Variants in ACYP2 observed in about 807,000 individuals in gnomAD.
The protein encoded by ACYP2 is acylphosphatase-2.
A neutral mutation model predicts 11.2 loss-of-function variants in ACYP2; 12 were observed. The ratio of observed to expected loss-of-function variants is 1.08; its 90% CI spans 0.69 to 1.74. The LOEUF (loss-of-function observed/expected upper bound fraction) is 1.74, where lower values mean the gene tolerates loss of function less well. ACYP2 is among the 40% of genes most tolerant of loss of function. ACYP2 has a pLI of 0.00. For missense variants in ACYP2, 134 were observed against 101.9 expected (o/e 1.31, Z -1.35); for synonymous variants, 43 against 32.2 (o/e 1.33, Z -1.13).
intron 6 of ACYP2, among the ~76,000 whole-genome samples, chr2:54,225,394 G>A (rs115393984): frequency 0.012 from 1,841 of 152,042 alleles, 38 homozygotes; most frequent in African/African-American, 0.043. Context: ...GAAAAACAAG[G>A]GTGTTTTAAA....
intron 6 of ACYP2, among the ~76,000 whole-genome samples, chr2:54,201,638 C>CTTTCTTTCTTTGTTTCTT (rs1309834149): frequency 5.0e-5 from 3 of 59,774 alleles, no homozygotes; most frequent in African/African-American, 2.1e-4. Context: ...CTTTCTTTCT[C>CTTTCTTTCTTTGTTTCTT]TTTCTTTCTT....
At chr2:54,131,575 C>T (rs1680900313) in intron 4 of ACYP2, among the ~76,000 whole-genome samples, 3 of 152,014 alleles carry the variant, frequency 2.0e-5, no homozygotes, top group Admixed American at 2.0e-4. Flanking sequence ...TTTTATCATG[C>T]ATGGTTTTTT....
At chr2:54,255,972 C>G in intron 6 of ACYP2, 1 of 1,614,102 alleles carries the variant, frequency 6.2e-7, no homozygotes, top group Non-Finnish European at 8.5e-7. Flanking sequence ...GATCCTGGGG[C>G]GCGACCCCCT....
In ACYP2 at chr2:54,255,720, C is replaced by T. The variant is rs764749605; in HGVS notation, c.405-48968C>T. On this transcript the variant is annotated intron_variant, in intron 6 of 6. Coordinates refer to ENST00000607452, the MANE Select transcript of ACYP2 (RefSeq NM_001320586.2). Reference sequence around the variant, plus strand: ...CAGGCTTCACGTCCTCGGCCTTCCCCTCTGCAATCACTTCAGACTCCGACC... The same window carrying T: ...CAGGCTTCACGTCCTCGGCCTTCCCTTCTGCAATCACTTCAGACTCCGACC... 5 of 1,613,912 alleles carry T rather than the reference C, an allele frequency of 3.1e-6. No individual in the cohort carries two copies. In the African/African-American group the frequency reaches 4.0e-5, roughly 13 times the overall value.
chr2:54,223,806 T>C (rs1685895233), intron 6 of ACYP2, among the ~76,000 whole-genome samples: 1 of 152,198 alleles, frequency 6.6e-6, no homozygotes, highest in South Asian at 2.1e-4. Context: ...TTGGCAGACA[T>C]TGGTTTCTTG....
At chr2:54,211,136 A>T (rs1333263282) in intron 6 of ACYP2, among the ~76,000 whole-genome samples, 3 of 152,234 alleles carry the variant, frequency 2.0e-5, no homozygotes, top group Non-Finnish European at 4.4e-5. Flanking sequence ...AAAGACGCAG[A>T]CTATCTTTAA....
At chr2:54,178,797 G>A (rs1316541079) in intron 6 of ACYP2, among the ~76,000 whole-genome samples, 1 of 152,224 alleles carries the variant, frequency 6.6e-6, no homozygotes, top group Non-Finnish European at 1.5e-5. Context: ...TTTAAGGAAA[G>A]AGAGTAAGAT....
intron 6 of ACYP2, among the ~76,000 whole-genome samples, chr2:54,186,228 T>TA (rs1270789643): frequency 3.9e-5 from 6 of 152,120 alleles, no homozygotes; most frequent in African/African-American, 9.7e-5. Flanking sequence ...AATTTTATGT[T>TA]ACATATGAAA....
chr2:54,057,136 G>A (rs1451254758), intron 3 of ACYP2: 1 of 392,280 alleles, frequency 2.5e-6, no homozygotes, highest in Non-Finnish European at 4.5e-6. Flanking sequence ...CCATAAATTA[G>A]ATTGTCTAGA....
intron 6 of ACYP2, among the ~76,000 whole-genome samples, chr2:54,177,084 T>G (rs975506240): frequency 2.6e-5 from 4 of 152,212 alleles, no homozygotes; most frequent in African/African-American, 4.8e-5. Context: ...TACTTTGTTT[T>G]TCACTAAATA....
intron 2 of ACYP2, among the ~76,000 whole-genome samples, chr2:54,013,744 G>A (rs72800706): frequency 1.2e-4 from 11 of 91,556 alleles, no homozygotes; most frequent in Admixed American, 2.2e-4. Flanking sequence ...AAAAAAAAAA[G>A]AGAGAGAGAG....
chr2:54,235,301 G>A (rs541204576), intron 6 of ACYP2, among the ~76,000 whole-genome samples: 9 of 151,428 alleles, frequency 5.9e-5, no homozygotes, highest in African/African-American at 2.2e-4. Flanking sequence ...ATTAAGTTTT[G>A]GTTTGAATCA....
chr2:53,976,061 G>C (rs1279064880), intron 2 of ACYP2, among the ~76,000 whole-genome samples: 1 of 152,072 alleles, frequency 6.6e-6, no homozygotes, highest in Non-Finnish European at 1.5e-5. Context: ...GTGCTTATTG[G>C]AACACTAATT....
intron 4 of ACYP2, among the ~76,000 whole-genome samples, chr2:54,074,294 A>G (rs746431417): frequency 3.3e-5 from 5 of 152,178 alleles, no homozygotes; most frequent in Admixed American, 6.5e-5. Context: ...ATAATGAGCT[A>G]TGATTGGGCC....
At chr2:54,032,211 T>A (rs6545382) in intron 2 of ACYP2, among the ~76,000 whole-genome samples, 14,449 of 152,250 alleles carry the variant, frequency 0.095, 925 homozygotes, top group African/African-American at 0.18. Flanking sequence ...CATGCCTATG[T>A]CCTGAATGGT....
intron 4 of ACYP2, among the ~76,000 whole-genome samples, chr2:54,119,084 A>G (rs1218251796): frequency 1.7e-5 from 1 of 60,158 alleles, no homozygotes; most frequent in Non-Finnish European, 3.1e-5. Context: ...TTTTTTTTTT[A>G]ACAGGGTCTC....
intron 4 of ACYP2, among the ~76,000 whole-genome samples, chr2:54,063,767 C>G (rs1196099616): frequency 6.6e-6 from 1 of 152,126 alleles, no homozygotes; most frequent in Non-Finnish European, 1.5e-5. Flanking sequence ...AAATGGTTCC[C>G]TCCTGGAACT....
chr2:54,252,833 G>T (rs564752068), intron 6 of ACYP2, among the ~76,000 whole-genome samples: 2 of 151,940 alleles, frequency 1.3e-5, no homozygotes, highest in East Asian at 3.9e-4. Context: ...GAACCTGGGA[G>T]GCGGAGCTTG....
chr2:54,071,416 A>G lies in ACYP2; in HGVS notation c.277+14056A>G, dbSNP rs1677036852. On this transcript the variant is annotated intron_variant, in intron 4 of 6. Coordinates refer to ENST00000607452, the MANE Select transcript of ACYP2 (RefSeq NM_001320586.2). ...GAATCTACAAAAACTCTTAGAGCTA[A>G]TAAACAAGTTTGGCAAGGTTGCAGC... is the stretch of plus-strand genomic sequence containing the variant. 1.3e-5 allele frequency among the ~76,000 whole-genome samples: 2 copies of G among 152,116 alleles called. 1 individual carries two copies. Among genetic ancestry groups the G allele is most frequent in the South Asian group, 4.1e-4 (2 of 4,824 alleles).
Sources: allele counts gnomAD v4.1 joint callset (sites outside exome capture counted in the v4.1 genomes callset), GRCh38; gene constraint gnomAD v4.1.1; transcripts MANE v1.5; gene names NCBI Gene and HGNC (gene_info 2026-07-23, HGNC 2026-07-21).